NRG3: variants seen among roughly 807,000 people sequenced by gnomAD.
NRG3 encodes the protein pro-neuregulin-3, membrane-bound isoform.
In NRG3, 31 loss-of-function variants were observed where a neutral mutation model predicts 66.9. That is an observed-to-expected ratio of 0.46 (90% confidence interval 0.35 to 0.63). The LOEUF is 0.63. Ranked by LOEUF, NRG3 falls within the 20% of genes least tolerant of loss-of-function variation. NRG3 has a pLI of 0.00. For synonymous variants in NRG3, 393 were observed against 359.4 expected, an observed-to-expected ratio of 1.09 and a Z score of -1.06; for missense variants, 910 against 878.9, an observed-to-expected ratio of 1.04 and a Z score of -0.45.
chr10:82,953,942 A>C (rs1849771453), intron 5 of NRG3, among the ~76,000 whole-genome samples: 2 of 127,142 alleles, frequency 1.6e-5, no homozygotes, highest in African/African-American at 5.7e-5. Context: ...TAGGCAACAG[A>C]GTGAGATTCA....
chr10:82,175,512 T>C (rs752210302), intron 1 of NRG3, among the ~76,000 whole-genome samples: 5 of 152,186 alleles, frequency 3.3e-5, no homozygotes, highest in African/African-American at 4.8e-5. Flanking sequence ...CCAATTTCCC[T>C]TTATCCAAAT....
chr10:82,864,881 C>G (rs1329475539), intron 3 of NRG3, among the ~76,000 whole-genome samples: 1 of 152,128 alleles, frequency 6.6e-6, no homozygotes, highest in East Asian at 1.9e-4. Flanking sequence ...GCACAGTTTT[C>G]TCATCTAAAA....
intron 2 of NRG3, among the ~76,000 whole-genome samples, chr10:82,518,490 G>C (rs1444761216): frequency 6.6e-6 from 1 of 152,126 alleles, no homozygotes; most frequent in Non-Finnish European, 1.5e-5. Flanking sequence ...TTAGAAAAAA[G>C]TGTCTGCTCC....
At position 82,941,333 on chromosome 10, in the gene NRG3, A is replaced by G. The variant is rs185413580; in HGVS notation, c.1055-10136A>G. 1.2e-3 allele frequency among the ~76,000 whole-genome samples: 179 copies of G among 152,306 alleles called. 3 individuals carry two copies. The highest frequency in any genetic ancestry group is 4.0e-3 in the African/African-American group (168 of 41,578). On this transcript the variant is annotated intron_variant, in intron 4 of 8. Coordinates refer to ENST00000372141, the MANE Select transcript of NRG3 (RefSeq NM_001010848.4). ...AGGCTCTCTTTTAACTAAATGAAATACTTGTTTAAGGCATTTATAAGGCCA... is the reference window on the plus strand; with the variant it reads ...AGGCTCTCTTTTAACTAAATGAAATGCTTGTTTAAGGCATTTATAAGGCCA...
chr10:82,957,476 AG>A (rs146251253), intron 5 of NRG3, among the ~76,000 whole-genome samples: 1 of 152,086 alleles, frequency 6.6e-6, no homozygotes, highest in African/African-American at 2.4e-5. Flanking sequence ...GAAAGTTGTC[AG>A]AATCAAAATG....
chr10:82,169,272 A>T (rs2072364149), intron 1 of NRG3, among the ~76,000 whole-genome samples: 1 of 152,048 alleles, frequency 6.6e-6, no homozygotes, highest in Admixed American at 6.6e-5. Context: ...GAATGTTAAG[A>T]ATTTTCAATT....
chr10:82,358,958 C>G lies in NRG3; in HGVS notation c.953+90C>G. 2.6e-6 allele frequency: 4 copies of G among 1,553,262 alleles called. No homozygotes were observed. In the South Asian group the frequency reaches 4.5e-5, roughly 18 times the overall value. Reference sequence around the variant, plus strand: ...TGGCAGCATCTGGTATGTGTCATATCCGGGATACACACAGTCCCACCGTTT... The same window carrying G: ...TGGCAGCATCTGGTATGTGTCATATGCGGGATACACACAGTCCCACCGTTT... On this transcript the variant is annotated intron_variant, in intron 2 of 8. Transcript: ENST00000372141.
intron 2 of NRG3, among the ~76,000 whole-genome samples, chr10:82,651,237 G>A (rs886250218): frequency 2.0e-5 from 3 of 152,152 alleles, no homozygotes; most frequent in African/African-American, 4.8e-5. Flanking sequence ...ACCACTTTAG[G>A]GTGGGGAGGT....
chr10:82,184,662 A>T (rs930539449), intron 1 of NRG3, among the ~76,000 whole-genome samples: 4 of 152,138 alleles, frequency 2.6e-5, no homozygotes, highest in African/African-American at 4.8e-5. Context: ...TTCCTCGGGG[A>T]TATAATAAAT....
In NRG3 at chr10:82,127,719, C is replaced by T. The variant is rs577524118; in HGVS notation, c.824-231020C>T. On this transcript the variant is annotated intron_variant, in intron 1 of 8. Transcript: ENST00000372141. ...TCCTAGCCACCTGTCTCCAGAAACC[C>T]CAGTCTGCCCCAGGGTGGACTCCTT... is the stretch of plus-strand genomic sequence containing the variant. 5.9e-5 allele frequency among the ~76,000 whole-genome samples: 9 copies of T among 151,966 alleles called. No homozygotes were observed. In the South Asian group the frequency reaches 1.7e-3, roughly 28 times the overall value.
intron 2 of NRG3, among the ~76,000 whole-genome samples, chr10:82,607,532 C>T (rs901452280): frequency 5.9e-5 from 9 of 152,104 alleles, no homozygotes; most frequent in African/African-American, 2.2e-4. Context: ...CCCACTCTGA[C>T]AATCTTAGTA....
intron 1 of NRG3, among the ~76,000 whole-genome samples, chr10:82,253,628 C>T (rs950779492): frequency 2.0e-5 from 3 of 152,192 alleles, no homozygotes; most frequent in Admixed American, 6.5e-5. Context: ...TTTTTCTAAT[C>T]AGTCTTCAAT....
intron 2 of NRG3, among the ~76,000 whole-genome samples, chr10:82,694,566 G>C (rs937771506): frequency 6.6e-6 from 1 of 151,974 alleles, no homozygotes; most frequent in African/African-American, 2.4e-5. Context: ...AACAGACTGG[G>C]AGTATAGTGA....
intron 1 of NRG3, among the ~76,000 whole-genome samples, chr10:82,190,958 C>T (rs527514381): frequency 5.9e-5 from 9 of 152,110 alleles, no homozygotes; most frequent in Non-Finnish European, 1.0e-4. Flanking sequence ...TTGTATGCTT[C>T]GTAAGACTGA....
chr10:81,911,332 A>G (rs2132750676), intron 1 of NRG3, among the ~76,000 whole-genome samples: 1 of 152,240 alleles, frequency 6.6e-6, no homozygotes, highest in East Asian at 1.9e-4. Context: ...GCTATGGTGC[A>G]AAGCCTGCTA....
chr10:82,961,990 A>G (rs1462842393), intron 6 of NRG3, among the ~76,000 whole-genome samples: 2 of 152,226 alleles, frequency 1.3e-5, no homozygotes, highest in African/African-American at 4.8e-5. Flanking sequence ...GTGTTTAACA[A>G]ATGAATTGTC....
chr10:82,572,919 C>T (rs1310689702), intron 2 of NRG3, among the ~76,000 whole-genome samples: 1 of 151,796 alleles, frequency 6.6e-6, no homozygotes. Context: ...TTCTGCTTAT[C>T]TGGCATTCAA....
intron 2 of NRG3, among the ~76,000 whole-genome samples, chr10:82,527,216 A>G (rs1046212528): frequency 5.9e-5 from 9 of 152,120 alleles, no homozygotes; most frequent in Admixed American, 5.2e-4. Flanking sequence ...TACAACATCT[A>G]CAGATGTCAA....
At chr10:82,579,556 G>T (rs1319488323) in intron 2 of NRG3, among the ~76,000 whole-genome samples, 4 of 151,892 alleles carry the variant, frequency 2.6e-5, no homozygotes, top group Non-Finnish European at 4.4e-5. Context: ...CGTGTGGTTG[G>T]CAAGAACACA....
Sources: allele counts gnomAD v4.1 joint callset (sites outside exome capture counted in the v4.1 genomes callset), GRCh38; gene constraint gnomAD v4.1.1; transcripts MANE v1.5; gene names NCBI Gene and HGNC (gene_info 2026-07-23, HGNC 2026-07-21).